Variants in RABGAP1 observed in about 807,000 individuals in gnomAD.
RABGAP1 encodes the protein RAB GTPase activating protein 1, also known as rab GTPase-activating protein 1.
Under a neutral mutation model 137.6 loss-of-function variants are expected in RABGAP1, and 23 were observed. The observed-to-expected ratio is 0.17, with a 90% CI of 0.12 to 0.24. RABGAP1 has a LOEUF of 0.24. RABGAP1 is among the 10% of genes least tolerant of loss of function. RABGAP1 has a pLI of 1.00. For synonymous variants in RABGAP1, 451 were observed against 450.7 expected (o/e 1.00, Z -0.01); for missense variants, 906 against 1,275.8 (o/e 0.71, Z 4.42).
intron 1 of RABGAP1, among the ~76,000 whole-genome samples, chr9:122,945,173 T>C (rs896476755): frequency 2.0e-4 from 30 of 150,296 alleles, no homozygotes; most frequent in African/African-American, 6.1e-4. Context: ...TAGCATAAAC[T>C]GGTTACCTAG....
chr9:122,967,747 T>A (rs924994670), intron 2 of RABGAP1, among the ~76,000 whole-genome samples: 63 of 146,318 alleles, frequency 4.3e-4, no homozygotes, highest in Admixed American at 1.4e-3. Flanking sequence ...CTGAAAAAAA[T>A]TTTTTTTTTT....
chr9:123,067,636 C>A (rs1417522825), intron 14 of RABGAP1, among the ~76,000 whole-genome samples: 1 of 152,204 alleles, frequency 6.6e-6, no homozygotes, highest in African/African-American at 2.4e-5. Flanking sequence ...CCCCACTGAA[C>A]CGTGATGTCT....
At chr9:123,086,415 G>A (rs904301265) in intron 19 of RABGAP1, among the ~76,000 whole-genome samples, 1 of 152,190 alleles carries the variant, frequency 6.6e-6, no homozygotes. Flanking sequence ...GCCTGGAGAA[G>A]ACATTCATAA....
intron 13 of RABGAP1, among the ~76,000 whole-genome samples, chr9:123,044,183 G>A (rs754927024): frequency 4.6e-5 from 7 of 152,242 alleles, no homozygotes; most frequent in South Asian, 2.1e-4. Flanking sequence ...GATTACAGGC[G>A]TGAGCCACCG....
chr9:123,029,333 TAA>T lies in RABGAP1; in HGVS notation c.1794+8875_1794+8876del, dbSNP rs748955257. On this transcript the variant is annotated intron_variant, in intron 13 of 25. Transcript: ENST00000373647. ...TTAAAGCTCATTTTTTTTTTTTACT[TAA>T]TAAAGTTTTATTTTTCCAAATGTAG... 288 of 742,044 alleles carry T rather than the reference TAA, an allele frequency of 3.9e-4. 1 individual carries two copies. Among genetic ancestry groups the T allele is most frequent in the Admixed American group, 2.7e-3 (117 of 43,782 alleles). 46.0% of individuals were successfully genotyped at this position (742,044 alleles called of 1,614,324 possible).
chr9:122,942,660 A>C (rs1469534167), intron 1 of RABGAP1, among the ~76,000 whole-genome samples: 1 of 67,116 alleles, frequency 1.5e-5, no homozygotes, highest in African/African-American at 4.1e-5. Flanking sequence ...ACAGAGCGAG[A>C]CTCCGTCTCA....
At chr9:123,068,063 A>G (rs916870090) in intron 14 of RABGAP1, among the ~76,000 whole-genome samples, 5 of 152,158 alleles carry the variant, frequency 3.3e-5, no homozygotes, top group Admixed American at 6.6e-5. Flanking sequence ...CAAGATTCAT[A>G]TCTAGGCTGG....
intron 10 of RABGAP1, among the ~76,000 whole-genome samples, chr9:123,004,024 G>A (rs539104799): frequency 1.3e-5 from 2 of 152,270 alleles, no homozygotes; most frequent in East Asian, 1.9e-4. Context: ...GGATACCCGG[G>A]CCTCTTATTT....
At chr9:122,959,000 T>A (rs113552034) in intron 2 of RABGAP1, among the ~76,000 whole-genome samples, 133 of 152,110 alleles carry the variant, frequency 8.7e-4, no homozygotes, top group African/African-American at 3.0e-3. Context: ...CAGAGTGAGA[T>A]CCTGTCTCAA....
At chr9:123,030,780 G>A (rs572062527) in intron 13 of RABGAP1, among the ~76,000 whole-genome samples, 1 of 152,254 alleles carries the variant, frequency 6.6e-6, no homozygotes, top group African/African-American at 2.4e-5. Context: ...ACTAGAATGA[G>A]TCTATGTTAT....
intron 13 of RABGAP1, among the ~76,000 whole-genome samples, chr9:123,056,753 C>T (rs901229790): frequency 3.3e-5 from 5 of 151,970 alleles, no homozygotes; most frequent in Non-Finnish European, 7.4e-5. Flanking sequence ...TCCATTTAAC[C>T]CTGAGTGGAC....
intron 19 of RABGAP1, among the ~76,000 whole-genome samples, chr9:123,081,226 A>T (rs1442928173): frequency 1.3e-5 from 2 of 152,228 alleles, no homozygotes; most frequent in South Asian, 4.1e-4. Flanking sequence ...TTATGTTTTC[A>T]TTATGGCTTC....
chr9:123,018,146 C>T (rs940536459), intron 12 of RABGAP1, among the ~76,000 whole-genome samples: 4 of 152,168 alleles, frequency 2.6e-5, no homozygotes, highest in Admixed American at 1.3e-4. Flanking sequence ...AGGTGCCCGC[C>T]ACCTCGTCCG....
intron 6 of RABGAP1, among the ~76,000 whole-genome samples, chr9:122,993,679 T>A (rs1303016611): frequency 6.6e-6 from 1 of 152,240 alleles, no homozygotes; most frequent in Non-Finnish European, 1.5e-5. Context: ...TTTTTTTCTT[T>A]TTGAGACGGA....
intron 2 of RABGAP1, among the ~76,000 whole-genome samples, chr9:122,959,438 A>G (rs995679303): frequency 2.0e-5 from 3 of 151,410 alleles, no homozygotes; most frequent in African/African-American, 4.9e-5. Flanking sequence ...TTATATTTTT[A>G]AAAGCTCACT....
Position 122,996,170 on chromosome 9 carries a change from T to G in RABGAP1, c.1034+19T>G. 6.3e-7 allele frequency: 1 copy of G among 1,594,590 alleles called. No homozygotes were observed. The highest frequency in any genetic ancestry group is 1.1e-5 in the South Asian group (1 of 87,334). On this transcript the variant is annotated intron_variant, in intron 7 of 25. Transcript: ENST00000373647. Reference sequence around the variant, plus strand: ...TTGAAAGGTAAGCATTTTTAGTAAGTTTAGCTTAAATATAAATTTTGGCTT... The same window carrying G: ...TTGAAAGGTAAGCATTTTTAGTAAGGTTAGCTTAAATATAAATTTTGGCTT...
intron 13 of RABGAP1, among the ~76,000 whole-genome samples, chr9:123,040,264 CAT>C (rs1389988220): frequency 3.3e-5 from 5 of 152,166 alleles, no homozygotes; most frequent in African/African-American, 1.2e-4. Flanking sequence ...GGGGTACAAT[CAT>C]ATGATGCTGG....
chr9:122,945,156 T>TTTTTTTTTTTTTTTTTTTTTTTTTTTTG (rs1833880077), intron 1 of RABGAP1, among the ~76,000 whole-genome samples: 1 of 143,272 alleles, frequency 7.0e-6, no homozygotes, highest in Non-Finnish European at 1.5e-5. Context: ...GCTTTTTTTT[T>TTTTTTTTTTTTTTTTTTTTTTTTTTTTG]TTTTTTTAGC....
At chr9:123,093,432 C>T (rs12351386) in intron 21 of RABGAP1, among the ~76,000 whole-genome samples, 26,684 of 152,104 alleles carry the variant, frequency 0.18, 3,390 homozygotes, top group East Asian at 0.64. Flanking sequence ...TGTCCGAGTC[C>T]CCTCTAGCAG....
Sources: gnomAD v4.1 joint callset for allele counts (sites outside exome capture counted in the v4.1 genomes callset) on GRCh38, gnomAD v4.1.1 for gene constraint, MANE v1.5 for transcripts, NCBI Gene and HGNC (gene_info 2026-07-23, HGNC 2026-07-21) for gene names.